Variants in KLRG2 observed in about 807,000 individuals in gnomAD.
KLRG2 encodes killer cell lectin-like receptor subfamily G member 2.
A neutral mutation model predicts 35.4 loss-of-function variants in KLRG2; 39 were observed. That is an observed-to-expected ratio of 1.10 (90% CI 0.85 to 1.44). KLRG2 has a LOEUF of 1.44. Ranked by LOEUF, KLRG2 falls within the 40% of genes most tolerant of loss-of-function variation. The pLI is 0.00. For synonymous variants in KLRG2, 283 were observed against 265.8 expected (o/e 1.06, Z -0.63); for missense variants, 632 against 570.9 (o/e 1.11, Z -1.09).
intron 3 of KLRG2, among the ~76,000 whole-genome samples, chr7:139,456,572 G>T (rs1462885230): frequency 1.3e-5 from 2 of 152,144 alleles, no homozygotes; most frequent in Non-Finnish European, 2.9e-5. Flanking sequence ...GGCTGGTCTT[G>T]AACTCCTGAC....
intron 4 of KLRG2, 147 bp downstream of exon 4, chr7:139,453,964 G>T: frequency 1.5e-6 from 1 of 680,438 alleles, no homozygotes. Flanking sequence ...AAGCGACAGG[G>T]TCTAATCAGG....
the KLRG2 span, among the ~76,000 whole-genome samples, chr7:139,435,390 T>G: frequency 6.6e-6 from 1 of 152,126 alleles, no homozygotes; most frequent in Non-Finnish European, 1.5e-5. Flanking sequence ...TTCGGGAGGG[T>G]GAGGCAGGAG....
chr7:139,476,535 G>C (rs1362268081), intron 3 of KLRG2, among the ~76,000 whole-genome samples: 1 of 151,956 alleles, frequency 6.6e-6, no homozygotes, highest in African/African-American at 2.4e-5. Flanking sequence ...TGTCTTCTGG[G>C]TTCAAGCGAT....
chr7:139,427,513 C>A, the KLRG2 span, among the ~76,000 whole-genome samples: 3 of 152,188 alleles, frequency 2.0e-5, no homozygotes, highest in Admixed American at 6.6e-5. Flanking sequence ...GAGACTGATT[C>A]TTCAAGTCTC....
At chr7:139,465,969 C>T (rs1285814437) in intron 3 of KLRG2, among the ~76,000 whole-genome samples, 2 of 152,182 alleles carry the variant, frequency 1.3e-5, no homozygotes, top group African/African-American at 4.8e-5. Context: ...TCCTTCCAGC[C>T]TCACAGGCCC....
At chr7:139,480,036 T>C in intron 2 of KLRG2, 110 bp downstream of exon 2, 1 of 828,908 alleles carries the variant, frequency 1.2e-6, no homozygotes, top group Non-Finnish European at 2.0e-6. Flanking sequence ...TGTCTTCGTG[T>C]TGCATCTCCC....
downstream of KLRG2, among the ~76,000 whole-genome samples, chr7:139,449,042 G>A (rs554190831): frequency 6.0e-4 from 91 of 151,750 alleles, no homozygotes; most frequent in African/African-American, 2.0e-3. Flanking sequence ...GGAGGTGGAG[G>A]TTGCAGTGAG....
chr7:139,453,719 T>G lies in KLRG2; in HGVS notation c.1110-12A>C. ...CGTCCTCAGGGAGTCTGGGAAAGGA[T>G]GGGAGGGGAAAGAGGAGAGGTGTTT... is the stretch of plus-strand genomic sequence containing the variant. On this transcript the variant is annotated splice_polypyrimidine_tract_variant and intron_variant, in intron 4 of 4. Transcript: ENST00000340940. 1 of 1,613,698 alleles carries G rather than the reference T, an allele frequency of 6.2e-7. No individual in the cohort carries two copies. Among genetic ancestry groups the G allele is most frequent in the Non-Finnish European group, 8.5e-7 (1 of 1,179,870 alleles).
At chr7:139,452,227 C>T (rs747877133), downstream of KLRG2, among the ~76,000 whole-genome samples, 1 of 152,048 alleles carries the variant, frequency 6.6e-6, no homozygotes, top group African/African-American at 2.4e-5. Flanking sequence ...TCGCCCACCT[C>T]GGCCTCCCAA....
rs1418836299 is a variant in KLRG2 at position 139,471,194 on chromosome 7, C to T, written c.1005+8433G>A. Among the ~76,000 whole-genome samples, 8 of 152,018 alleles carry T rather than the reference C, an allele frequency of 5.3e-5. 1 individual carries two copies. Among genetic ancestry groups the T allele is most frequent in the Non-Finnish European group, 8.8e-5 (6 of 68,016 alleles). ...AAAGTTACATATCATAGAAAAAAGC[C>T]TGGAAGTAGGTATTCCAAAATATTT... On this transcript the variant is annotated intron_variant, in intron 3 of 4. Coordinates refer to ENST00000340940, the MANE Select transcript of KLRG2 (RefSeq NM_198508.4).
chr7:139,471,499 TA>T (rs1796754646), intron 3 of KLRG2, among the ~76,000 whole-genome samples: 4 of 151,884 alleles, frequency 2.6e-5, no homozygotes, highest in Non-Finnish European at 5.9e-5. Flanking sequence ...CTGTCTCTAC[TA>T]AAATACAAAA....
the KLRG2 span, among the ~76,000 whole-genome samples, chr7:139,429,270 C>T: frequency 1.3e-5 from 2 of 152,150 alleles, no homozygotes; most frequent in Non-Finnish European, 2.9e-5. Flanking sequence ...TTTGCCACTG[C>T]ACTCCAGCCT....
chr7:139,479,389 AT>A (rs1362368518), intron 3 of KLRG2, among the ~76,000 whole-genome samples: 3 of 152,042 alleles, frequency 2.0e-5, no homozygotes, highest in Admixed American at 6.6e-5. Context: ...CCAAAAAAAA[AT>A]TTTTTTTAAA....
chr7:139,482,822 T>C, intron 1 of KLRG2, 64 bp downstream of exon 1: 2 of 1,326,854 alleles, frequency 1.5e-6, no homozygotes, highest in African/African-American at 1.5e-5. Context: ...TGGGCGGGTG[T>C]GGGGGTTTCG....
rs1293481575 is a variant in KLRG2 at position 139,460,122 on chromosome 7, A to G, written c.1006-5908T>C. Among the ~76,000 whole-genome samples, 4 of 152,120 alleles carry G rather than the reference A, an allele frequency of 2.6e-5. No homozygotes were observed. The South Asian group carries it at 6.2e-4, about 24-fold the overall frequency. ...GCCGGTCTCAAACTCCTGACCTCAG[A>G]TGATCTGCCCGCCTTGGCCCCCCAA... On this transcript the variant is annotated intron_variant, in intron 3 of 4. Transcript: ENST00000340940.
chr7:139,461,422 G>A (rs1035119267), intron 3 of KLRG2, among the ~76,000 whole-genome samples: 1 of 152,170 alleles, frequency 6.6e-6, no homozygotes, highest in African/African-American at 2.4e-5. Flanking sequence ...AGAGAAAAAC[G>A]AATCGTTATC....
chr7:139,445,400 T>G, the KLRG2 span, among the ~76,000 whole-genome samples: 1 of 152,056 alleles, frequency 6.6e-6, no homozygotes, highest in Non-Finnish European at 1.5e-5. Context: ...ACCAAGGGTG[T>G]ATTCATGCAT....
intron 3 of KLRG2, among the ~76,000 whole-genome samples, chr7:139,471,199 A>G (rs1796748918): frequency 6.6e-6 from 1 of 152,128 alleles, no homozygotes; most frequent in Non-Finnish European, 1.5e-5. Context: ...AAAGCCTGGA[A>G]GTAGGTATTC....
chr7:139,472,857 C>A (rs1796782772), intron 3 of KLRG2, among the ~76,000 whole-genome samples: 1 of 152,196 alleles, frequency 6.6e-6, no homozygotes, highest in Non-Finnish European at 1.5e-5. Context: ...GGACCCTCCA[C>A]CCCCAGCCCA....
Sources: allele counts gnomAD v4.1 joint callset (sites outside exome capture counted in the v4.1 genomes callset), GRCh38; gene constraint gnomAD v4.1.1; transcripts MANE v1.5; gene names NCBI Gene and HGNC (gene_info 2026-07-23, HGNC 2026-07-21).